Variants in KATNAL1 observed in about 807,000 individuals in gnomAD.
The protein encoded by KATNAL1 is katanin catalytic subunit A1 like 1.
Under a neutral mutation model 55.2 loss-of-function variants are expected in KATNAL1, and 32 were observed. That is an observed-to-expected ratio of 0.58 (90% CI 0.44 to 0.78). The LOEUF is 0.78. Among genes scored for constraint, KATNAL1 ranks in the 30% least tolerant of loss-of-function variants. KATNAL1 has a pLI of 0.00. For missense variants in KATNAL1, 466 were observed against 600.9 expected, an observed-to-expected ratio of 0.78 and a Z score of 2.35; for synonymous variants, 193 against 193.6, an observed-to-expected ratio of 1.00 and a Z score of 0.02.
At chr13:30,268,955 T>G (rs943705310) in intron 3 of KATNAL1, among the ~76,000 whole-genome samples, 1 of 152,126 alleles carries the variant, frequency 6.6e-6, no homozygotes, top group Non-Finnish European at 1.5e-5. Context: ...CTTACAAAGC[T>G]TACAATCTAG....
chr13:30,230,090 G>A, intron 8 of KATNAL1, among the ~76,000 whole-genome samples: 1 of 151,800 alleles, frequency 6.6e-6, no homozygotes, highest in East Asian at 1.9e-4. Flanking sequence ...GTACACTTGT[G>A]AGAGAATGAG....
chr13:30,216,144 A>T (rs1874204779), intron 9 of KATNAL1, among the ~76,000 whole-genome samples: 1 of 152,218 alleles, frequency 6.6e-6, no homozygotes, highest in Non-Finnish European at 1.5e-5. Context: ...AAATGAACAC[A>T]ATCAGTATGA....
intron 10 of KATNAL1, among the ~76,000 whole-genome samples, chr13:30,209,774 C>T: frequency 6.6e-6 from 1 of 152,070 alleles, no homozygotes; most frequent in East Asian, 1.9e-4. Context: ...GAGTTAGACA[C>T]AATAATTTCT....
At position 30,263,504 on chromosome 13, in the gene KATNAL1, T is replaced by C. The variant is rs1879484569; in HGVS notation, c.324-7889A>G. On this transcript the variant is annotated intron_variant, in intron 3 of 10. Coordinates refer to ENST00000380615, the MANE Select transcript of KATNAL1 (RefSeq NM_032116.5). ...TCAGCCCAAAATCTCCTTAAGCTGATAAGCAACTTCAGCAAAGTCTCAGTA... is the reference window on the plus strand; with the variant it reads ...TCAGCCCAAAATCTCCTTAAGCTGACAAGCAACTTCAGCAAAGTCTCAGTA... Among the ~76,000 whole-genome samples the C allele has an allele frequency of 3.9e-5, 6 of 152,068 alleles. No homozygotes were observed. The South Asian group carries it at 8.3e-4, about 21-fold the overall frequency.
At chr13:30,251,793 T>C (rs1391761361) in intron 4 of KATNAL1, among the ~76,000 whole-genome samples, 1 of 152,228 alleles carries the variant, frequency 6.6e-6, no homozygotes, top group Non-Finnish European at 1.5e-5. Context: ...GAAGTATTAC[T>C]GACACAAATG....
chr13:30,295,028 G>GT (rs1321893611), intron 1 of KATNAL1, among the ~76,000 whole-genome samples: 3 of 152,218 alleles, frequency 2.0e-5, no homozygotes, highest in African/African-American at 4.8e-5. Flanking sequence ...CACTGACAAT[G>GT]CACCTGGTCA....
intron 4 of KATNAL1, 32 bp downstream of exon 4, chr13:30,255,415 A>G (rs747221686): frequency 1.4e-6 from 2 of 1,440,128 alleles, no homozygotes; most frequent in Non-Finnish European, 1.8e-6. Context: ...CTGGGCTTCA[A>G]GTGAGTGAAT....
At chr13:30,222,864 G>A (rs1411243064) in intron 9 of KATNAL1, among the ~76,000 whole-genome samples, 2 of 152,102 alleles carry the variant, frequency 1.3e-5, no homozygotes, top group Non-Finnish European at 2.9e-5. Context: ...AGGCCAAGGT[G>A]GGTGAATCAC....
rs979781554 is a variant in KATNAL1 at position 30,207,525 on chromosome 13, TA to T, written c.*1014del. The T allele has an allele frequency of 6.6e-6, 1 of 152,194 alleles. No homozygotes were observed. The highest frequency in any genetic ancestry group is 2.4e-5 in the African/African-American group (1 of 41,440). The allele number at this position is 152,194 out of a possible 1,614,324, so 9.4% of individuals were successfully genotyped here. A position where few individuals can be genotyped will look rare whatever the true frequency, so the allele number is the denominator to read the frequency against. On this transcript the variant is annotated 3_prime_UTR_variant, in exon 11 of 11. Coordinates refer to ENST00000380615, the MANE Select transcript of KATNAL1 (RefSeq NM_032116.5). ...ATGTAAAAGTATTTATCTCAAATAC[TA>T]AAATCAAACTCAAGAAAAATCAAAC...
chr13:30,276,070 G>T (rs1880820688), intron 3 of KATNAL1, among the ~76,000 whole-genome samples: 1 of 151,976 alleles, frequency 6.6e-6, no homozygotes, highest in African/African-American at 2.4e-5. Flanking sequence ...GTTAATACAA[G>T]AAATATTTTA....
intron 3 of KATNAL1, among the ~76,000 whole-genome samples, chr13:30,256,492 C>G (rs940824362): frequency 1.3e-5 from 2 of 152,162 alleles, no homozygotes; most frequent in African/African-American, 4.8e-5. Context: ...CTGTAGCCCT[C>G]TAGATCCCAT....
At chr13:30,261,814 C>T (rs962160751) in intron 3 of KATNAL1, among the ~76,000 whole-genome samples, 1 of 152,068 alleles carries the variant, frequency 6.6e-6, no homozygotes, top group Non-Finnish European at 1.5e-5. Context: ...ATCAACGAGA[C>T]AGAAAGTCAA....
intron 1 of KATNAL1, among the ~76,000 whole-genome samples, chr13:30,290,174 A>C (rs999178708): frequency 6.6e-6 from 1 of 152,234 alleles, no homozygotes; most frequent in African/African-American, 2.4e-5. Flanking sequence ...AAACCAAAAG[A>C]AGCAGAAGGA....
At chr13:30,261,851 C>T (rs1879312551) in intron 3 of KATNAL1, among the ~76,000 whole-genome samples, 1 of 152,038 alleles carries the variant, frequency 6.6e-6, no homozygotes, top group Admixed American at 6.6e-5. Context: ...TTGAACTCAG[C>T]TCTGCACCAA....
chr13:30,273,198 C>T (rs899007526), intron 3 of KATNAL1, among the ~76,000 whole-genome samples: 1 of 152,242 alleles, frequency 6.6e-6, no homozygotes, highest in Admixed American at 6.5e-5. Context: ...AACTACTTGT[C>T]TTCCCCAGCT....
At chr13:30,262,914 C>T (rs2137482037) in intron 3 of KATNAL1, among the ~76,000 whole-genome samples, 1 of 152,096 alleles carries the variant, frequency 6.6e-6, no homozygotes, top group South Asian at 2.1e-4. Flanking sequence ...GAGACACACC[C>T]AAAAAAGAGA....
chr13:30,260,713 G>C (rs1317577883), intron 3 of KATNAL1, among the ~76,000 whole-genome samples: 1 of 150,894 alleles, frequency 6.6e-6, no homozygotes, highest in Non-Finnish European at 1.5e-5. Flanking sequence ...AGAAATATGG[G>C]ACTATGTGAA....
At chr13:30,307,011 G>A (rs1471122121) in intron 1 of KATNAL1, 3 of 79,130 alleles carry the variant, frequency 3.8e-5, no homozygotes, top group East Asian at 6.5e-4. Context: ...GACAAAGAGA[G>A]ATTTTTTTTT....
intron 1 of KATNAL1, among the ~76,000 whole-genome samples, chr13:30,299,079 T>G (rs1882705271): frequency 6.6e-6 from 1 of 152,170 alleles, no homozygotes; most frequent in Non-Finnish European, 1.5e-5. Flanking sequence ...CAGCTAACTT[T>G]TCAAGAGGAA....
Sources: allele counts gnomAD v4.1 joint callset (sites outside exome capture counted in the v4.1 genomes callset), GRCh38; gene constraint gnomAD v4.1.1; transcripts MANE v1.5; gene names NCBI Gene and HGNC (gene_info 2026-07-23, HGNC 2026-07-21).